The following DLEU7 variants were observed in gnomAD, a reference collection of about 807,000 sequenced individuals.
DLEU7 encodes deleted in lymphocytic leukemia 7.
A neutral mutation model predicts 16.0 loss-of-function variants in DLEU7; 17 were observed. The ratio of observed to expected loss-of-function variants is 1.06; its 90% CI spans 0.73 to 1.59. The LOEUF is 1.59. DLEU7 is among the 40% of genes most tolerant of loss of function. The pLI is 0.00. For synonymous variants in DLEU7, 113 were observed against 139.8 expected (o/e 0.81, Z 1.35); for missense variants, 308 against 314.9 (o/e 0.98, Z 0.17).
At chr13:50,753,964 C>T (rs1301709956) in intron 1 of DLEU7, among the ~76,000 whole-genome samples, 1 of 152,224 alleles carries the variant, frequency 6.6e-6, no homozygotes, top group Non-Finnish European at 1.5e-5. Context: ...TATTTAATTT[C>T]CATGTATTTG....
At chr13:50,733,763 G>A (rs1873986982) in intron 1 of DLEU7, among the ~76,000 whole-genome samples, 1 of 152,098 alleles carries the variant, frequency 6.6e-6, no homozygotes, top group Non-Finnish European at 1.5e-5. Flanking sequence ...CTTCCGCTTT[G>A]ACTGTTAAGT....
intron 1 of DLEU7, among the ~76,000 whole-genome samples, chr13:50,789,856 G>C (rs9596367): frequency 0.39 from 59,820 of 151,886 alleles, 12,187 homozygotes; most frequent in Middle Eastern, 0.54. Flanking sequence ...GGTCTGATCA[G>C]GTAAACTGAA....
downstream of DLEU7, among the ~76,000 whole-genome samples, chr13:50,821,579 G>A (rs1211572474): frequency 6.6e-6 from 1 of 152,074 alleles, no homozygotes; most frequent in Non-Finnish European, 1.5e-5. Flanking sequence ...GGCTAGGATG[G>A]CCCATGAGGG....
At chr13:50,792,504 A>G (rs1341494326) in intron 1 of DLEU7, among the ~76,000 whole-genome samples, 2 of 152,168 alleles carry the variant, frequency 1.3e-5, no homozygotes, top group African/African-American at 4.8e-5. Flanking sequence ...TGCTGGGGGA[A>G]GACAGATTGG....
At chr13:50,812,294 GC>G (rs924318903) in intron 1 of DLEU7, among the ~76,000 whole-genome samples, 1 of 152,072 alleles carries the variant, frequency 6.6e-6, no homozygotes, top group Non-Finnish European at 1.5e-5. Flanking sequence ...GACCTGAGGG[GC>G]CCCCGTGGAC....
chr13:50,842,200 C>G (rs1451871216), intron 1 of DLEU7, among the ~76,000 whole-genome samples: 1 of 152,132 alleles, frequency 6.6e-6, no homozygotes, highest in Non-Finnish European at 1.5e-5. Flanking sequence ...TTAAATAAAT[C>G]TTTTACAGTG....
chr13:50,718,672 T>G (rs1873505302), intron 1 of DLEU7, among the ~76,000 whole-genome samples: 1 of 152,224 alleles, frequency 6.6e-6, no homozygotes. Context: ...AACACTCTCT[T>G]TTGCTAAATA....
At position 50,835,421 on chromosome 13, in the gene DLEU7, C is replaced by T. The variant is rs11839422; in HGVS notation, c.459+7767G>A. Among the ~76,000 whole-genome samples the T allele has an allele frequency of 6.7e-3, 1,022 of 152,248 alleles. 10 individuals are homozygous for T. The highest frequency in any genetic ancestry group is 0.023 in the African/African-American group (943 of 41,526). On this transcript the variant is annotated intron_variant, in intron 1 of 1. Transcript: ENST00000504404. The stretch of plus-strand genomic sequence containing the variant: ...TGGAACAAAATGCCTACAAGTGAAT[C>T]GTTTCATGTTTCTTTTTTGGCCATC...
intron 1 of DLEU7, among the ~76,000 whole-genome samples, chr13:50,831,463 A>G (rs546702173): frequency 6.6e-6 from 1 of 152,316 alleles, no homozygotes; most frequent in East Asian, 1.9e-4. Flanking sequence ...AACAGAAGCC[A>G]AAGTGTGGAG....
intron 1 of DLEU7, among the ~76,000 whole-genome samples, chr13:50,800,779 C>G (rs1876226131): frequency 6.6e-6 from 1 of 152,040 alleles, no homozygotes; most frequent in African/African-American, 2.4e-5. Flanking sequence ...AGCTTGCAGC[C>G]CTTAGGGAGA....
intron 1 of DLEU7, among the ~76,000 whole-genome samples, chr13:50,796,050 C>T (rs1422220398): frequency 6.7e-6 from 1 of 148,730 alleles, no homozygotes; most frequent in African/African-American, 2.5e-5. Context: ...CCTTTTTTCT[C>T]AGCATACCAC....
Position 50,770,600 on chromosome 13 carries a change from C to G in DLEU7, c.460-57360G>C, listed in dbSNP as rs1029992577. 1.3e-4 allele frequency among the ~76,000 whole-genome samples: 20 copies of G among 152,284 alleles called. No homozygotes were observed. The Middle Eastern group carries it at 0.01, about 78-fold the overall frequency. ...TATTGATTTGCATATGTTAAACCAG[C>G]CTTGCATCCCAGGGATGAAGCCAAC... is the stretch of plus-strand genomic sequence containing the variant. On this transcript the variant is annotated intron_variant, in intron 1 of 1. Transcript: ENST00000400393.
intron 1 of DLEU7, among the ~76,000 whole-genome samples, chr13:50,736,764 A>G (rs1874081667): frequency 3.3e-5 from 5 of 152,120 alleles, no homozygotes; most frequent in Admixed American, 3.3e-4. Context: ...ATAAGCACTC[A>G]GTTGGAGAGA....
intron 1 of DLEU7, among the ~76,000 whole-genome samples, chr13:50,812,666 C>T (rs1566259531): frequency 6.6e-6 from 1 of 152,064 alleles, no homozygotes; most frequent in African/African-American, 2.4e-5. Context: ...ACATCAATCA[C>T]AATTAGGATT....
chr13:50,766,541 G>A (rs189113504), intron 1 of DLEU7, among the ~76,000 whole-genome samples: 8 of 151,628 alleles, frequency 5.3e-5, no homozygotes, highest in Non-Finnish European at 1.0e-4. Flanking sequence ...ACCAAACTTC[G>A]GGAATCTCTC....
At chr13:50,741,236 C>T (rs756149150) in intron 1 of DLEU7, among the ~76,000 whole-genome samples, 5 of 152,200 alleles carry the variant, frequency 3.3e-5, no homozygotes, top group Non-Finnish European at 7.3e-5. Flanking sequence ...GAAGGGCCTT[C>T]TCAGTTCCCC....
At chr13:50,711,118 A>G (rs963349213), downstream of DLEU7, 3 of 138,836 alleles carry the variant, frequency 2.2e-5, no homozygotes, top group Admixed American at 1.4e-4. Context: ...CTGAACACAC[A>G]AAATTGGCAA....
intron 1 of DLEU7, among the ~76,000 whole-genome samples, chr13:50,835,637 C>G (rs950567562): frequency 5.9e-5 from 9 of 152,170 alleles, no homozygotes; most frequent in African/African-American, 1.9e-4. Context: ...TAAAACCAAC[C>G]CTGAGCTAAT....
chr13:50,837,435 T>C (rs759400052), intron 1 of DLEU7, among the ~76,000 whole-genome samples: 4 of 152,196 alleles, frequency 2.6e-5, no homozygotes, highest in Non-Finnish European at 5.9e-5. Context: ...TTTCATATCA[T>C]TCATATTATA....
Sources: allele counts gnomAD v4.1 joint callset (sites outside exome capture counted in the v4.1 genomes callset), GRCh38; gene constraint gnomAD v4.1.1; transcripts MANE v1.5; gene names NCBI Gene and HGNC (gene_info 2026-07-23, HGNC 2026-07-21).